Variants in TMEM74 observed in about 807,000 individuals in gnomAD.
TMEM74 encodes the protein transmembrane protein 74.
Under a neutral mutation model 18.1 loss-of-function variants are expected in TMEM74, and 13 were observed. The observed-to-expected ratio is 0.72, with a 90% confidence interval of 0.47 to 1.14. TMEM74 has a LOEUF of 1.14. Ranked by LOEUF, TMEM74 falls within the 50% of genes most tolerant of loss-of-function variation. The pLI, the probability that TMEM74 is intolerant of heterozygous loss-of-function variation, is 0.00. For synonymous variants in TMEM74, 159 were observed against 146.6 expected (o/e 1.08, Z -0.61); for missense variants, 372 against 375.9 (o/e 0.99, Z 0.09).
At chr8:108,623,421 T>G (rs1812462146) in intron 2 of TMEM74, among the ~76,000 whole-genome samples, 1 of 152,122 alleles carries the variant, frequency 6.6e-6, no homozygotes, top group South Asian at 2.1e-4. Flanking sequence ...TCCCAGAAAC[T>G]AAGAACTTTC....
intron 1 of TMEM74, among the ~76,000 whole-genome samples, chr8:108,734,630 T>A (rs1486305328): frequency 6.6e-6 from 1 of 152,186 alleles, no homozygotes; most frequent in African/African-American, 2.4e-5. Flanking sequence ...TTCTGCTAAG[T>A]TTTTTAATAT....
chr8:108,702,268 C>T (rs2101936), intron 1 of TMEM74, among the ~76,000 whole-genome samples: 1 of 150,060 alleles, frequency 6.7e-6, no homozygotes, highest in Non-Finnish European at 1.5e-5. Context: ...TTGCTTGAAC[C>T]TGGGAGGCGG....
rs550734755 is a variant in TMEM74 at position 108,663,917 on chromosome 8, C to T, written n.120-8480G>A. ...AAGTGGGAGCTGAACAATGAGAACA[C>T]GTGGACACATCAGAGGAAACAACAC... On this transcript the variant is annotated intron_variant and non_coding_transcript_variant, in intron 1 of 3. Transcript: ENST00000518838. Among the ~76,000 whole-genome samples the T allele has an allele frequency of 1.3e-3, 199 of 152,192 alleles. 4 individuals are homozygous for T. The highest frequency in any genetic ancestry group is 6.2e-4 in the South Asian group (3 of 4,826).
At chr8:108,624,523 T>C (rs1240257325) in intron 2 of TMEM74, among the ~76,000 whole-genome samples, 1 of 152,120 alleles carries the variant, frequency 6.6e-6, no homozygotes, top group African/African-American at 2.4e-5. Context: ...CAGAATGCTG[T>C]CCTCTGACAT....
rs141784810 is a variant in TMEM74 at position 108,631,819 on chromosome 8, C to T, written n.265-22993G>A. Among the ~76,000 whole-genome samples the T allele has an allele frequency of 1.6e-4, 25 of 151,958 alleles. No homozygotes were observed. In the East Asian group the frequency reaches 4.9e-3, roughly 30 times the overall value. On this transcript the variant is annotated intron_variant and non_coding_transcript_variant, in intron 2 of 3. Transcript: ENST00000518838. ...ATCAATCTCAGATGTTAGAAAACAT[C>T]AAATAGAAATGTTTCTACTTTTGTT...
intron 2 of TMEM74, among the ~76,000 whole-genome samples, chr8:108,635,164 T>A (rs1812594483): frequency 6.6e-6 from 1 of 151,944 alleles, no homozygotes; most frequent in South Asian, 2.1e-4. Flanking sequence ...CCTTGGCTCC[T>A]CCCTCAAATT....
At chr8:108,643,559 G>C (rs1453744314) in intron 2 of TMEM74, among the ~76,000 whole-genome samples, 2 of 151,710 alleles carry the variant, frequency 1.3e-5, no homozygotes, top group African/African-American at 4.8e-5. Context: ...GGGGCCTTTT[G>C]TAAACATCTA....
intron 1 of TMEM74, among the ~76,000 whole-genome samples, chr8:108,751,390 T>G (rs1340471320): frequency 6.6e-6 from 1 of 152,138 alleles, no homozygotes; most frequent in Non-Finnish European, 1.5e-5. Context: ...CCATTGAACT[T>G]GGATCAGGAG....
chr8:108,762,758 A>G (rs995296516), intron 1 of TMEM74, among the ~76,000 whole-genome samples: 34 of 152,126 alleles, frequency 2.2e-4, no homozygotes, highest in African/African-American at 7.7e-4. Context: ...AATAGAAGGC[A>G]TAGTGGTATG....
intron 2 of TMEM74, among the ~76,000 whole-genome samples, chr8:108,644,019 C>T (rs754403386): frequency 5.9e-5 from 9 of 151,910 alleles, no homozygotes; most frequent in Non-Finnish European, 1.0e-4. Context: ...TCAGATAGAA[C>T]CAAAAAAAGA....
intron 1 of TMEM74, among the ~76,000 whole-genome samples, chr8:108,753,176 T>G (rs947787892): frequency 6.6e-6 from 1 of 152,266 alleles, no homozygotes; most frequent in Non-Finnish European, 1.5e-5. Flanking sequence ...TTTTATTTCT[T>G]TAATCCTTTC....
chr8:108,770,440 A>G (rs1814159153), intron 1 of TMEM74, among the ~76,000 whole-genome samples: 1 of 152,214 alleles, frequency 6.6e-6, no homozygotes, highest in Admixed American at 6.5e-5. Flanking sequence ...TGATGTATAT[A>G]ATGACACAAA....
chr8:108,661,943 A>G (rs1342041378), intron 1 of TMEM74, among the ~76,000 whole-genome samples: 1 of 152,186 alleles, frequency 6.6e-6, no homozygotes, highest in Non-Finnish European at 1.5e-5. Flanking sequence ...AGACTGGTGA[A>G]AAAGGATGAT....
At chr8:108,659,743 C>G (rs1812881329) in intron 1 of TMEM74, among the ~76,000 whole-genome samples, 1 of 152,128 alleles carries the variant, frequency 6.6e-6, no homozygotes, top group South Asian at 2.1e-4. Context: ...CCAGATACCC[C>G]TCAAGGAGGA....
chr8:108,686,139 A>T (rs1464588837), intron 1 of TMEM74, among the ~76,000 whole-genome samples: 2 of 151,612 alleles, frequency 1.3e-5, no homozygotes, highest in Non-Finnish European at 2.9e-5. Context: ...AGAATATCCT[A>T]AAAAAAATTA....
chr8:108,671,168 G>C (rs890965551), intron 1 of TMEM74, among the ~76,000 whole-genome samples: 15 of 152,168 alleles, frequency 9.9e-5, no homozygotes, highest in Admixed American at 9.2e-4. Flanking sequence ...GTGATGGCCA[G>C]TGCTCACTCT....
intron 1 of TMEM74, among the ~76,000 whole-genome samples, chr8:108,664,254 T>A (rs1418408333): frequency 1.3e-5 from 2 of 152,188 alleles, no homozygotes; most frequent in Non-Finnish European, 2.9e-5. Context: ...TTCCTATCCA[T>A]GAACATGGAA....
At chr8:108,615,419 G>A (rs182409398) in intron 2 of TMEM74, among the ~76,000 whole-genome samples, 1 of 152,266 alleles carries the variant, frequency 6.6e-6, no homozygotes, top group East Asian at 1.9e-4. Flanking sequence ...ATAAACCAAA[G>A]CCCTTGGACA....
chr8:108,742,172 A>G (rs998913247), intron 1 of TMEM74, among the ~76,000 whole-genome samples: 3 of 151,902 alleles, frequency 2.0e-5, no homozygotes, highest in Non-Finnish European at 2.9e-5. Context: ...AGAGGAGCAG[A>G]AAAAAAATAA....
Sources: allele counts gnomAD v4.1 joint callset (sites outside exome capture counted in the v4.1 genomes callset), GRCh38; gene constraint gnomAD v4.1.1; transcripts MANE v1.5; gene names NCBI Gene and HGNC (gene_info 2026-07-23, HGNC 2026-07-21).